Variants in NSMAF observed in about 807,000 individuals in gnomAD.
The protein encoded by NSMAF is neutral sphingomyelinase activation associated factor.
In NSMAF, 90 loss-of-function variants were observed where a neutral mutation model predicts 134.9. That is an observed-to-expected ratio of 0.67 (90% CI 0.56 to 0.79). The LOEUF (loss-of-function observed/expected upper bound fraction) is 0.79. Among genes scored for constraint, NSMAF ranks in the 30% least tolerant of loss-of-function variants. NSMAF has a pLI of 0.00. For missense variants in NSMAF, 1,010 were observed against 1,119.0 expected (o/e 0.90, Z 1.39); for synonymous variants, 358 against 389.6 (o/e 0.92, Z 0.96).
intron 13 of NSMAF, among the ~76,000 whole-genome samples, chr8:58,602,408 C>G (rs1339658790): frequency 1.3e-5 from 2 of 152,066 alleles, no homozygotes; most frequent in Non-Finnish European, 2.9e-5. Context: ...GATTAAGGAA[C>G]ATATATATAT....
intron 1 of NSMAF, among the ~76,000 whole-genome samples, chr8:58,644,076 A>T (rs184114320): frequency 3.1e-4 from 47 of 152,324 alleles, no homozygotes; most frequent in African/African-American, 1.0e-3. Context: ...TTGTTTTGTG[A>T]TAAGGACCAG....
chr8:58,647,199 A>T (rs1807476620), intron 1 of NSMAF, among the ~76,000 whole-genome samples: 1 of 152,246 alleles, frequency 6.6e-6, no homozygotes, highest in African/African-American at 2.4e-5. Flanking sequence ...TGCAGAGGCA[A>T]AGGAAAGCAC....
chr8:58,654,633 A>C (rs1807662755), intron 1 of NSMAF, among the ~76,000 whole-genome samples: 1 of 152,224 alleles, frequency 6.6e-6, no homozygotes, highest in African/African-American at 2.4e-5. Context: ...CAAAGTTGAA[A>C]TCTCAAAGTG....
Position 58,635,290 on chromosome 8 carries a change from G to A in NSMAF, c.296+15C>T. ...TTGGTTGAAGTAAAATTAAACAGTG[G>A]TGAAAATGACATACTTTGTGAAGTG... On this transcript the variant is annotated intron_variant, in intron 4 of 30. Transcript: ENST00000038176. The A allele has an allele frequency of 6.2e-7, 1 of 1,609,544 alleles. No homozygotes were observed.
At chr8:58,646,044 A>AATC (rs140848286) in intron 1 of NSMAF, among the ~76,000 whole-genome samples, 8,588 of 151,894 alleles carry the variant, frequency 0.057, 344 homozygotes, top group African/African-American at 0.1. Context: ...TCCGTCTCAA[A>AATC]ATCATCATCA....
chr8:58,639,827 C>A, intron 2 of NSMAF: 1 of 219,042 alleles, frequency 4.6e-6, no homozygotes, highest in Non-Finnish European at 9.4e-6. Flanking sequence ...AAAGGAAATC[C>A]TGCTACTTGT....
At chr8:58,643,570 T>C (rs1457891164) in intron 1 of NSMAF, among the ~76,000 whole-genome samples, 1 of 151,982 alleles carries the variant, frequency 6.6e-6, no homozygotes, top group Non-Finnish European at 1.5e-5. Context: ...TTCACTCTTG[T>C]TGCCCAGCCT....
rs1036040210 is a variant in NSMAF, at chr8:58,604,161, T to C, written c.869-775A>G. Among the ~76,000 whole-genome samples, 4 of 152,346 alleles carry C rather than the reference T, an allele frequency of 2.6e-5. No individual in the cohort carries two copies. The South Asian group carries it at 8.3e-4, about 32-fold the overall frequency. The stretch of plus-strand genomic sequence containing the variant: ...TATTCTCATCTACTTTTACCAAGTT[T>C]CTTCTTTAATCAGCTACTAGGAAAG... On this transcript the variant is annotated intron_variant, in intron 12 of 30. Transcript: ENST00000038176.
chr8:58,654,133 T>C (rs1014211189), intron 1 of NSMAF, among the ~76,000 whole-genome samples: 1 of 152,206 alleles, frequency 6.6e-6, no homozygotes, highest in Non-Finnish European at 1.5e-5. Flanking sequence ...TCTCCACTGA[T>C]CTCCAGTTTC....
chr8:58,635,065 A>C (rs1187623474), intron 5 of NSMAF, 124 bp downstream of exon 5: 10 of 759,766 alleles, frequency 1.3e-5, no homozygotes, highest in South Asian at 1.8e-5. Context: ...TCAATGACTG[A>C]ATTCTAAAAG....
At chr8:58,618,055 G>T (rs537153937) in intron 9 of NSMAF, among the ~76,000 whole-genome samples, 1 of 152,060 alleles carries the variant, frequency 6.6e-6, no homozygotes, top group Non-Finnish European at 1.5e-5. Context: ...GCAAACTATC[G>T]CAAGGACAGC....
At position 58,585,537 on chromosome 8, in the gene NSMAF, A is replaced by T. The variant is rs553356850; in HGVS notation, c.2659+115T>A. 5.4e-5 allele frequency: 39 copies of T among 716,922 alleles called. 1 individual carries two copies. The East Asian group carries it at 1.0e-3, about 18-fold the overall frequency. 44.4% of individuals were successfully genotyped at this position (716,922 alleles called of 1,614,324 possible). A position where few individuals can be genotyped will look rare whatever the true frequency, so the allele number is the denominator to read the frequency against. ...GAGGCTCCAGGGACATGTTTACGAC[A>T]TGGAAAAACCATGGGTGTTTTTTGC... On this transcript the variant is annotated intron_variant, in intron 30 of 30. Transcript: ENST00000038176.
intron 1 of NSMAF, among the ~76,000 whole-genome samples, chr8:58,658,904 A>C (rs1807785493): frequency 6.6e-6 from 1 of 152,224 alleles, no homozygotes; most frequent in Admixed American, 6.5e-5. Flanking sequence ...TTTCGACTGC[A>C]AAGCTTTCCA....
intron 27 of NSMAF, 49 bp downstream of exon 27, chr8:58,587,569 C>T (rs1805914451): frequency 1.3e-6 from 2 of 1,532,534 alleles, no homozygotes; most frequent in Admixed American, 1.7e-5. Context: ...CAGCCGAACC[C>T]CTAGACTTTT....
chr8:58,586,537 A>G lies in NSMAF; in HGVS notation c.2367T>C (p.Ile789=), dbSNP rs1805889560. 1.2e-6 allele frequency: 2 copies of G among 1,614,042 alleles called. No individual in the cohort carries two copies. Among genetic ancestry groups the G allele is most frequent in the Non-Finnish European group, 8.5e-7 (1 of 1,179,946 alleles). ...VSGTKEGTVN[I]WDLTTATLMH... is the part of the protein sequence containing the mutation. ...TTAAGGTGGCCGTTGTGAGGTCCCAAATATTCACTGTGCCTTCTTTGGTGC... is the reference window on the plus strand; with the variant it reads ...TTAAGGTGGCCGTTGTGAGGTCCCAGATATTCACTGTGCCTTCTTTGGTGC... Residue 789 remains isoleucine, a synonymous_variant, in exon 28 of 31, where the codon ATT becomes ATC. Transcript: ENST00000038176.
At position 58,600,023 on chromosome 8, in the gene NSMAF, T is replaced by C. The variant is rs187481711; in HGVS notation, c.1281-2A>G. The C allele has an allele frequency of 2.5e-6, 4 of 1,611,294 alleles. No homozygotes were observed. In the East Asian group the frequency reaches 6.7e-5, roughly 27 times the overall value. On this transcript the variant is annotated splice_acceptor_variant, in intron 16 of 30. Transcript: ENST00000038176. LOFTEE classifies it high-confidence loss of function. The stretch of plus-strand genomic sequence containing the variant: ...CAGTTTTTCCAAGTTTCTGCAATAC[T>C]ACATATGAAAAAAAAATTCACCTAT...
rs1806329759 is a variant in NSMAF, at chr8:58,603,339, G to GT, written c.915_916insA (p.Gln306ThrfsTer37). 1.2e-6 allele frequency: 2 copies of GT among 1,614,014 alleles called. No homozygotes were observed. On this transcript the variant is annotated frameshift_variant, in exon 13 of 31. Coordinates refer to ENST00000038176, the MANE Select transcript of NSMAF (RefSeq NM_003580.4). LOFTEE classifies it high-confidence loss of function. The stretch of plus-strand genomic sequence containing the variant: ...TGATAGTTGGAAAGGTGTCCACGCT[G>GT]CCACTGCAGCATGTAGCTCTCAGCA...
chr8:58,654,209 T>C (rs560462502), intron 1 of NSMAF, among the ~76,000 whole-genome samples: 107 of 152,298 alleles, frequency 7.0e-4, no homozygotes, highest in Middle Eastern at 3.4e-3. Flanking sequence ...AAATGAAAGA[T>C]TAAACCGAAG....
chr8:58,595,657 C>T lies in NSMAF; in HGVS notation c.1795G>A (p.Glu599Lys). 3 of 1,608,716 alleles carry T rather than the reference C, an allele frequency of 1.9e-6. No homozygotes were observed. Among genetic ancestry groups the T allele is most frequent in the East Asian group, 2.2e-5 (1 of 44,762 alleles). ...TCGGTCAGGTCTTCAAAAGACTCTTCACCTGGAGAGACGACATTAAATTTT... is the reference window on the plus strand; with the variant it reads ...TCGGTCAGGTCTTCAAAAGACTCTTTACCTGGAGAGACGACATTAAATTTT... ...YNASMADSPG[E>K]ESFEDLTEES... Residue 599 changes from glutamate (E) to lysine (K), a missense_variant and splice_region_variant, in exon 22 of 31, where the codon GAA (glutamate) becomes AAA (lysine). Transcript: ENST00000038176.
Sources: allele counts gnomAD v4.1 joint callset (sites outside exome capture counted in the v4.1 genomes callset), GRCh38; gene constraint gnomAD v4.1.1; transcripts MANE v1.5; gene names NCBI Gene and HGNC (gene_info 2026-07-23, HGNC 2026-07-21).